Variants in NRXN1 observed in about 807,000 individuals in gnomAD.
NRXN1 encodes neurexin-1.
Under a neutral mutation model 150.9 loss-of-function variants are expected in NRXN1, and 39 were observed. The ratio of observed to expected loss-of-function variants is 0.26; its 90% confidence interval spans 0.20 to 0.34. The LOEUF is 0.34. Among genes scored for constraint, NRXN1 ranks in the 10% least tolerant of loss-of-function variants. NRXN1 has a pLI of 1.00. For synonymous variants in NRXN1, 924 were observed against 757.0 expected (o/e 1.22, Z -3.62); for missense variants, 1,815 against 1,949.9 (o/e 0.93, Z 1.30).
At chr2:50,630,222 A>G (rs1290356841) in intron 5 of NRXN1, among the ~76,000 whole-genome samples, 1 of 151,698 alleles carries the variant, frequency 6.6e-6, no homozygotes. Context: ...CTTATAGAAA[A>G]AAAAGTTAAC....
intron 17 of NRXN1, among the ~76,000 whole-genome samples, chr2:50,386,735 C>T (rs1019347149): frequency 6.6e-6 from 1 of 152,078 alleles, no homozygotes; most frequent in Non-Finnish European, 1.5e-5. Context: ...ACATATACTT[C>T]CCAAGAATGA....
intron 17 of NRXN1, among the ~76,000 whole-genome samples, chr2:50,360,549 A>T (rs2079118174): frequency 1.3e-5 from 2 of 152,224 alleles, no homozygotes; most frequent in African/African-American, 4.8e-5. Context: ...AATCAATGCA[A>T]CAAGAACAGC....
chr2:50,449,223 A>C (rs541383302), intron 17 of NRXN1, among the ~76,000 whole-genome samples: 1 of 152,356 alleles, frequency 6.6e-6, no homozygotes, highest in African/African-American at 2.4e-5. Context: ...TAGCCTGCTA[A>C]ACCAGTGGAG....
intron 17 of NRXN1, among the ~76,000 whole-genome samples, chr2:50,272,761 T>C (rs2069868232): frequency 6.6e-6 from 1 of 151,358 alleles, no homozygotes; most frequent in African/African-American, 2.4e-5. Flanking sequence ...TTACAAGAAA[T>C]AAAAGGAAGG....
At chr2:50,873,504 G>A (rs1055302630) in intron 5 of NRXN1, among the ~76,000 whole-genome samples, 3 of 151,886 alleles carry the variant, frequency 2.0e-5, no homozygotes, top group African/African-American at 7.2e-5. Context: ...CTCATTTCCA[G>A]TCTGGTTAAT....
At chr2:50,775,438 G>A (rs920360002) in intron 5 of NRXN1, among the ~76,000 whole-genome samples, 6 of 152,152 alleles carry the variant, frequency 3.9e-5, no homozygotes, top group East Asian at 1.9e-4. Flanking sequence ...AAATGTGCTC[G>A]CACTGCTATG....
intron 17 of NRXN1, among the ~76,000 whole-genome samples, chr2:50,400,224 T>A (rs1299149014): frequency 2.0e-5 from 3 of 152,138 alleles, no homozygotes; most frequent in Non-Finnish European, 4.4e-5. Flanking sequence ...ATGTCGAGTT[T>A]CCTTTATACT....
intron 21 of NRXN1, among the ~76,000 whole-genome samples, chr2:50,035,678 G>C (rs1689918151): frequency 6.6e-6 from 1 of 152,040 alleles, no homozygotes; most frequent in Non-Finnish European, 1.5e-5. Context: ...GACAATGTAG[G>C]AGCATGTGTG....
intron 5 of NRXN1, among the ~76,000 whole-genome samples, chr2:50,732,419 G>C (rs1008404993): frequency 6.6e-6 from 1 of 152,122 alleles, no homozygotes; most frequent in Non-Finnish European, 1.5e-5. Flanking sequence ...AAGAGGAATA[G>C]TAGTTATCAA....
chr2:50,235,497 C>T (rs1193302339), intron 18 of NRXN1, among the ~76,000 whole-genome samples: 1 of 152,036 alleles, frequency 6.6e-6, no homozygotes, highest in African/African-American at 2.4e-5. Flanking sequence ...TAAACTCCTA[C>T]ACAGCTTATT....
chr2:50,609,426 T>C (rs1233015646), intron 8 of NRXN1, among the ~76,000 whole-genome samples: 1 of 152,150 alleles, frequency 6.6e-6, no homozygotes, highest in Non-Finnish European at 1.5e-5. Context: ...TGCAAGATAA[T>C]TGTAGCTAAT....
At chr2:50,872,044 C>A (rs1420951867) in intron 5 of NRXN1, among the ~76,000 whole-genome samples, 1 of 151,690 alleles carries the variant, frequency 6.6e-6, no homozygotes, top group African/African-American at 2.4e-5. Flanking sequence ...ATTCTCATAA[C>A]AAACCCTACT....
intron 21 of NRXN1, among the ~76,000 whole-genome samples, chr2:50,013,592 G>C (rs982983498): frequency 3.3e-5 from 5 of 152,148 alleles, no homozygotes; most frequent in African/African-American, 9.7e-5. Context: ...TTTATGAAGA[G>C]TCTTATGGAT....
intron 5 of NRXN1, among the ~76,000 whole-genome samples, chr2:50,851,613 A>G (rs572227169): frequency 6.6e-6 from 1 of 152,182 alleles, no homozygotes; most frequent in East Asian, 1.9e-4. Context: ...GACCAATACC[A>G]TTTTCAGAAA....
At chr2:50,064,433 C>T (rs1573694332) in intron 19 of NRXN1, among the ~76,000 whole-genome samples, 1 of 148,188 alleles carries the variant, frequency 6.7e-6, no homozygotes, top group Non-Finnish European at 1.5e-5. Context: ...GTGGGATCTT[C>T]TTTTTTTTTT....
At chr2:50,200,912 C>G (rs1340188824) in intron 18 of NRXN1, among the ~76,000 whole-genome samples, 1 of 152,016 alleles carries the variant, frequency 6.6e-6, no homozygotes, top group Non-Finnish European at 1.5e-5. Flanking sequence ...TCAGTCAATA[C>G]TAAATAAGAA....
intron 21 of NRXN1, among the ~76,000 whole-genome samples, chr2:50,027,785 C>G (rs1274551934): frequency 6.6e-6 from 1 of 152,128 alleles, no homozygotes; most frequent in Non-Finnish European, 1.5e-5. Flanking sequence ...GTCTCCTAAA[C>G]AGGGGAAACT....
At chr2:50,647,702 G>A (rs1311687228) in intron 5 of NRXN1, among the ~76,000 whole-genome samples, 1 of 151,866 alleles carries the variant, frequency 6.6e-6, no homozygotes, top group Non-Finnish European at 1.5e-5. Context: ...TGTATACCAG[G>A]ATGTTCATTA....
intron 5 of NRXN1, among the ~76,000 whole-genome samples, chr2:50,879,326 A>T (rs1238859322): frequency 6.6e-6 from 1 of 151,938 alleles, no homozygotes; most frequent in Admixed American, 6.6e-5. Context: ...TTTCTTAAAA[A>T]TCAAGCAATC....
Sources: gnomAD v4.1 joint callset for allele counts (sites outside exome capture counted in the v4.1 genomes callset) on GRCh38, gnomAD v4.1.1 for gene constraint, MANE v1.5 for transcripts, NCBI Gene and HGNC (gene_info 2026-07-23, HGNC 2026-07-21) for gene names.